Variants in PPP2R3A observed in about 807,000 individuals in gnomAD.
The protein encoded by PPP2R3A is protein phosphatase 2 regulatory subunit B''alpha.
Under a neutral mutation model 106.9 loss-of-function variants are expected in PPP2R3A, and 80 were observed. The ratio of observed to expected loss-of-function variants is 0.75; its 90% CI spans 0.62 to 0.90. The LOEUF (loss-of-function observed/expected upper bound fraction) is 0.90. Ranked by LOEUF, PPP2R3A falls within the 40% of genes least tolerant of loss-of-function variation. The pLI is 0.00. For synonymous variants in PPP2R3A, 483 were observed against 468.3 expected, an observed-to-expected ratio of 1.03 and a Z score of -0.41; for missense variants, 1,386 against 1,350.4, an observed-to-expected ratio of 1.03 and a Z score of -0.41.
At chr3:136,100,878 T>C (rs1010735630) in intron 10 of PPP2R3A, among the ~76,000 whole-genome samples, 2 of 152,100 alleles carry the variant, frequency 1.3e-5, no homozygotes, top group African/African-American at 4.8e-5. Flanking sequence ...CCTCTAATTC[T>C]ATAACTAGCC....
Position 136,027,011 on chromosome 3 carries a change from T to A in PPP2R3A, c.2175T>A (p.His725Gln). The A allele has an allele frequency of 6.2e-7, 1 of 1,612,704 alleles. No individual in the cohort carries two copies. Among genetic ancestry groups the A allele is most frequent in the Non-Finnish European group, 8.5e-7 (1 of 1,178,772 alleles). ...PEGLPDTCSN[H>Q]EQTLSRIETA... Reference sequence around the variant, plus strand: ...GACTCCCAGATACCTGTAGTAATCATGAACAAACTCTAAGCAGAATTGAAA... The same window carrying A: ...GACTCCCAGATACCTGTAGTAATCAAGAACAAACTCTAAGCAGAATTGAAA... The change falls in exon 3 of 14, where the codon CAT (histidine) becomes CAA (glutamine). Residue 725 changes from histidine to glutamine, a missense_variant. By Grantham distance (24) the His-to-Gln change is conservative (BLOSUM62 0). Transcript: ENST00000264977.
chr3:136,034,679 G>C (rs1353417157), intron 3 of PPP2R3A, among the ~76,000 whole-genome samples: 4 of 152,148 alleles, frequency 2.6e-5, no homozygotes, highest in Admixed American at 2.0e-4. Context: ...ATGTGCTGTT[G>C]AATAGAATGC....
At position 136,023,177 on chromosome 3, in the gene PPP2R3A, G is replaced by A. The variant is rs749594828; in HGVS notation, c.1996-3655G>A. 6.8e-6 allele frequency: 11 copies of A among 1,613,060 alleles called. No individual in the cohort carries two copies. In the South Asian group the frequency reaches 1.2e-4, roughly 18 times the overall value. On this transcript the variant is annotated intron_variant, in intron 2 of 13. Transcript: ENST00000264977. ...TTCTCCCTTCACGGTTTAAGAAGCG[G>A]CTGAAGTCATTTCAGCAGACACAGG...
At chr3:136,054,925 T>C (rs932760969) in intron 5 of PPP2R3A, among the ~76,000 whole-genome samples, 1 of 152,222 alleles carries the variant, frequency 6.6e-6, no homozygotes, top group African/African-American at 2.4e-5. Flanking sequence ...GATATAGATA[T>C]CTCATTTGAG....
At chr3:136,073,030 C>T (rs1410014910) in intron 6 of PPP2R3A, among the ~76,000 whole-genome samples, 2 of 152,124 alleles carry the variant, frequency 1.3e-5, no homozygotes, top group Non-Finnish European at 2.9e-5. Context: ...TGCAGTGGCA[C>T]GGTCTCGGCT....
In PPP2R3A at chr3:136,147,866, C is replaced by CA. The variant is rs1204298336; in HGVS notation, c.*2704dup. 2 of 152,274 alleles carry CA rather than the reference C, an allele frequency of 1.3e-5. No homozygotes were observed. Among genetic ancestry groups the CA allele is most frequent in the East Asian group, 3.9e-4 (2 of 5,188 alleles). The allele number at this position is 152,274 out of a possible 1,614,324, so 9.4% of individuals were successfully genotyped here. On this transcript the variant is annotated 3_prime_UTR_variant, in exon 14 of 14. Transcript: ENST00000264977. ...GCATGACTTTGTTTTTCCCTTTTAGCAAAACTAAATAAAGTTGTCAAATAT... is the reference window on the plus strand; with the variant it reads ...GCATGACTTTGTTTTTCCCTTTTAGCAAAAACTAAATAAAGTTGTCAAATAT...
chr3:136,050,563 G>A (rs1935650232), intron 5 of PPP2R3A, among the ~76,000 whole-genome samples: 1 of 152,092 alleles, frequency 6.6e-6, no homozygotes, highest in Non-Finnish European at 1.5e-5. Context: ...CACGTGTCAA[G>A]CCCCAGAACC....
At chr3:136,054,520 G>T (rs1340563557) in intron 5 of PPP2R3A, among the ~76,000 whole-genome samples, 2 of 152,118 alleles carry the variant, frequency 1.3e-5, no homozygotes, top group Non-Finnish European at 2.9e-5. Flanking sequence ...GCCTCCCAAA[G>T]TGCTGAGATT....
At chr3:136,127,201 G>C (rs574892295) in intron 13 of PPP2R3A, among the ~76,000 whole-genome samples, 1 of 152,080 alleles carries the variant, frequency 6.6e-6, no homozygotes. Context: ...CAGAAGTTTG[G>C]TAATAACAAA....
intron 1 of PPP2R3A, among the ~76,000 whole-genome samples, chr3:135,971,173 A>G (rs540414777): frequency 6.6e-6 from 1 of 152,280 alleles, no homozygotes; most frequent in African/African-American, 2.4e-5. Flanking sequence ...TTCCAGTTGC[A>G]TGCATGTAAA....
At chr3:136,066,963 AC>A (rs968467978) in intron 5 of PPP2R3A, among the ~76,000 whole-genome samples, 2 of 152,178 alleles carry the variant, frequency 1.3e-5, no homozygotes, top group Admixed American at 6.5e-5. Context: ...AAATACATAT[AC>A]CTTAGTGTTA....
chr3:136,079,631 A>C (rs952293352), intron 7 of PPP2R3A, among the ~76,000 whole-genome samples: 2 of 151,178 alleles, frequency 1.3e-5, no homozygotes, highest in Admixed American at 1.3e-4. Context: ...CTGGTCTCCA[A>C]CTCCTGACCT....
intron 10 of PPP2R3A, among the ~76,000 whole-genome samples, chr3:136,100,203 A>G (rs1035119822): frequency 6.6e-6 from 1 of 152,172 alleles, no homozygotes. Context: ...CAATGGATCA[A>G]TACTTTTTAA....
In PPP2R3A at chr3:136,145,020, TCAC is replaced by T; in HGVS notation, c.3330-22_3330-20del. On this transcript the variant is annotated intron_variant, in intron 13 of 13. Transcript: ENST00000264977. ...AACTTTAATCAATCAATCAGTTAAT[TCAC>T]TTTTGCTTTGTTATTTCAGCTTTGA... 6.2e-7 allele frequency: 1 copy of T among 1,602,326 alleles called. No individual in the cohort carries two copies. The highest frequency in any genetic ancestry group is 8.5e-7 in the Non-Finnish European group (1 of 1,174,710).
At chr3:136,114,767 A>G (rs1425892627) in intron 13 of PPP2R3A, among the ~76,000 whole-genome samples, 1 of 152,218 alleles carries the variant, frequency 6.6e-6, no homozygotes, top group Non-Finnish European at 1.5e-5. Context: ...CTGGAAAAAA[A>G]GGCAGCAACT....
At chr3:136,108,552 A>C (rs973977850) in intron 13 of PPP2R3A, among the ~76,000 whole-genome samples, 5 of 152,126 alleles carry the variant, frequency 3.3e-5, no homozygotes, top group Admixed American at 2.6e-4. Flanking sequence ...GACAATAGGA[A>C]AGCTTTTTTG....
At chr3:135,969,908 G>C (rs1364906524) in intron 1 of PPP2R3A, among the ~76,000 whole-genome samples, 2 of 152,134 alleles carry the variant, frequency 1.3e-5, no homozygotes, top group Non-Finnish European at 2.9e-5. Context: ...TTTCACTACA[G>C]AGCCCACCAC....
chr3:136,041,262 GTT>G (rs71157355), intron 4 of PPP2R3A, among the ~76,000 whole-genome samples: 27,645 of 96,494 alleles, frequency 0.29, 3,137 homozygotes, highest in Non-Finnish European at 0.35. Flanking sequence ...TTTTTTTTTT[GTT>G]TTTTTTTTTT....
rs1172309348 is a variant in PPP2R3A at position 136,146,098 on chromosome 3, G to A, written c.*932G>A. 1.3e-5 allele frequency: 2 copies of A among 151,870 alleles called. No individual in the cohort carries two copies. The highest frequency in any genetic ancestry group is 2.9e-5 in the Non-Finnish European group (2 of 67,998). 9.4% of individuals were successfully genotyped at this position (151,870 alleles called of 1,614,324 possible). A position where few individuals can be genotyped will look rare whatever the true frequency, so the allele number is the denominator to read the frequency against. On this transcript the variant is annotated 3_prime_UTR_variant, in exon 14 of 14. Transcript: ENST00000264977. ...ACTAGCTAATAGTAAAGGCCTCAAC[G>A]TTATTCTTTACTTCATGTTGAAAAC...
Sources: allele counts gnomAD v4.1 joint callset (sites outside exome capture counted in the v4.1 genomes callset), GRCh38; gene constraint gnomAD v4.1.1; transcripts MANE v1.5; gene names NCBI Gene and HGNC (gene_info 2026-07-23, HGNC 2026-07-21).